PAX7: variants seen among roughly 807,000 people sequenced by gnomAD.
The protein encoded by PAX7 is paired box 7.
A neutral mutation model predicts 50.7 loss-of-function variants in PAX7; 18 were observed. The ratio of observed to expected loss-of-function variants is 0.36; its 90% CI spans 0.25 to 0.53. PAX7 has a LOEUF of 0.53. Among genes scored for constraint, PAX7 ranks in the 20% least tolerant of loss-of-function variants. The pLI, the probability that PAX7 is intolerant of heterozygous loss-of-function variation, is 0.93. For synonymous variants in PAX7, 310 were observed against 290.4 expected (o/e 1.07, Z -0.69); for missense variants, 644 against 702.9 (o/e 0.92, Z 0.95).
intron 3 of PAX7, among the ~76,000 whole-genome samples, chr1:18,635,443 T>C (rs774797417): frequency 7.2e-6 from 1 of 138,316 alleles, no homozygotes; most frequent in Non-Finnish European, 1.5e-5. Context: ...AAAGAAGGAA[T>C]AGGGAAAGAA....
intron 4 of PAX7, among the ~76,000 whole-genome samples, chr1:18,653,043 C>T (rs1165610862): frequency 1.3e-5 from 2 of 152,166 alleles, no homozygotes; most frequent in Admixed American, 6.5e-5. Flanking sequence ...AACAGCTGTG[C>T]TTTTGCAGGC....
chr1:18,687,548 C>T lies in PAX7; in HGVS notation c.587-4206C>T, dbSNP rs149041501. Among the ~76,000 whole-genome samples the T allele has an allele frequency of 2.6e-4, 39 of 152,366 alleles. No homozygotes were observed. In the East Asian group the frequency reaches 6.4e-3, roughly 25 times the overall value. ...AAAAGAGTCAATAGTCCCTGCTTCA[C>T]AGACCTATGAAGGCTGGCACAGAGG... On this transcript the variant is annotated intron_variant, in intron 4 of 8. Coordinates refer to ENST00000420770, the MANE Select transcript of PAX7 (RefSeq NM_001135254.2).
chr1:18,738,260 C>T (rs1930912584), intron 8 of PAX7, among the ~76,000 whole-genome samples: 1 of 152,122 alleles, frequency 6.6e-6, no homozygotes, highest in East Asian at 1.9e-4. Context: ...CTGACCCAGC[C>T]CGTGTTCCTG....
intron 8 of PAX7, among the ~76,000 whole-genome samples, chr1:18,739,428 T>C (rs1208501309): frequency 6.6e-6 from 1 of 152,226 alleles, no homozygotes; most frequent in Non-Finnish European, 1.5e-5. Flanking sequence ...GATATAAATA[T>C]ACAAAATGTG....
At chr1:18,738,024 G>T (rs762717584) in intron 8 of PAX7, among the ~76,000 whole-genome samples, 1 of 152,220 alleles carries the variant, frequency 6.6e-6, no homozygotes, top group African/African-American at 2.4e-5. Flanking sequence ...TCTGTGTGCA[G>T]TGTGTAAATA....
intron 5 of PAX7, among the ~76,000 whole-genome samples, chr1:18,698,849 G>A (rs2100315262): frequency 6.6e-6 from 1 of 152,342 alleles, no homozygotes; most frequent in South Asian, 2.1e-4. Flanking sequence ...TATCCAGCCT[G>A]CAAGCTGAAC....
chr1:18,654,989 G>T (rs1027853058), intron 4 of PAX7, among the ~76,000 whole-genome samples: 8 of 152,170 alleles, frequency 5.3e-5, no homozygotes, highest in African/African-American at 1.9e-4. Context: ...TGCTTGGCAC[G>T]TGCCTACAAT....
chr1:18,646,925 T>C lies in PAX7; in HGVS notation c.586+10554T>C, dbSNP rs2088350642. On this transcript the variant is annotated intron_variant, in intron 4 of 8. Coordinates refer to ENST00000420770, the MANE Select transcript of PAX7 (RefSeq NM_001135254.2). ...GAGCGGCCCGCCCGCGCCCGGGCTA[T>C]TGACTTAGTGGATGAAGTCAAGAGC... 9.8e-5 allele frequency among the ~76,000 whole-genome samples: 14 copies of C among 143,350 alleles called. No individual in the cohort carries two copies. The South Asian group carries it at 3.3e-3, about 34-fold the overall frequency. 94.0% of individuals were successfully genotyped at this position (143,350 alleles called of 152,430 possible). A position where few individuals can be genotyped will look rare whatever the true frequency, so the allele number is the denominator to read the frequency against.
intron 4 of PAX7, among the ~76,000 whole-genome samples, chr1:18,641,766 A>G (rs1247214343): frequency 2.0e-5 from 3 of 152,364 alleles, no homozygotes; most frequent in Non-Finnish European, 4.4e-5. Context: ...TTTACCAGAC[A>G]GTATTGGGAA....
chr1:18,740,443 A>G (rs369906602), intron 8 of PAX7, among the ~76,000 whole-genome samples: 1 of 152,192 alleles, frequency 6.6e-6, no homozygotes. Context: ...CATGTCACGC[A>G]CTGCATGTGA....
chr1:18,706,053 G>A (rs1027118420), intron 7 of PAX7, among the ~76,000 whole-genome samples: 6 of 152,280 alleles, frequency 3.9e-5, no homozygotes, highest in South Asian at 4.1e-4. Context: ...CCTGAAGGAC[G>A]GGTGCAGCGA....
In PAX7 at chr1:18,700,665, A is replaced by G; in HGVS notation, c.799A>G (p.Asn267Asp). The change falls in exon 6 of 9, where the codon AAC becomes GAC. Residue 267 changes from asparagine (N) to aspartate (D), a missense_variant. Asn to Asp is a conservative substitution (Grantham distance 23). Coordinates refer to ENST00000420770, the MANE Select transcript of PAX7 (RefSeq NM_001135254.2). This position sits in a 1 kb window ranked among gnomAD's most constrained non-coding sequence, Gnocchi z 4.8. ...TEARVQVWFS[N>D]RRARWRKQAG... The stretch of plus-strand genomic sequence containing the variant: ...CTCCACCTCCCAGGTCTGGTTCAGT[A>G]ACCGCCGCGCCCGTTGGCGTAAGCA... 6.4e-7 allele frequency: 1 copy of G among 1,557,050 alleles called. No individual in the cohort carries two copies. The highest frequency in any genetic ancestry group is 8.7e-7 in the Non-Finnish European group (1 of 1,152,832).
chr1:18,658,260 C>T (rs1004293345), intron 4 of PAX7, among the ~76,000 whole-genome samples: 12 of 151,886 alleles, frequency 7.9e-5, no homozygotes, highest in African/African-American at 2.7e-4. Flanking sequence ...CCCCCTCCCC[C>T]CACAAAGGTC....
intron 5 of PAX7, among the ~76,000 whole-genome samples, chr1:18,693,232 G>A (rs528863096): frequency 6.6e-5 from 10 of 152,274 alleles, no homozygotes; most frequent in South Asian, 4.1e-4. Context: ...TGCTGACGGC[G>A]GGCACTTCCA....
intron 4 of PAX7, among the ~76,000 whole-genome samples, chr1:18,680,587 C>T (rs1314078362): frequency 2.6e-5 from 4 of 152,156 alleles, no homozygotes; most frequent in African/African-American, 7.2e-5. Flanking sequence ...AGGCAGATTC[C>T]GAACTCAAAC....
chr1:18,718,004 AC>A (rs1417539564), intron 7 of PAX7, among the ~76,000 whole-genome samples: 1 of 151,994 alleles, frequency 6.6e-6, no homozygotes, highest in African/African-American at 2.4e-5. Context: ...CTGTCTGACC[AC>A]CCTCCTTAAC....
chr1:18,692,106 T>C (rs546058689), intron 5 of PAX7, among the ~76,000 whole-genome samples, 153 bp downstream of exon 5: 6 of 152,066 alleles, frequency 3.9e-5, no homozygotes, highest in East Asian at 1.9e-4. Context: ...CAGCATTTGA[T>C]GCAGAGTTAG....
At chr1:18,728,006 T>A (rs2089595659) in intron 7 of PAX7, among the ~76,000 whole-genome samples, 1 of 150,948 alleles carries the variant, frequency 6.6e-6, no homozygotes, top group East Asian at 2.0e-4. Flanking sequence ...AGTGGAGTAT[T>A]GAGAGGAAGA....
At chr1:18,743,894 A>G (rs1183348165) in intron 8 of PAX7, among the ~76,000 whole-genome samples, 1 of 152,214 alleles carries the variant, frequency 6.6e-6, no homozygotes, top group Non-Finnish European at 1.5e-5. Context: ...ACATATGTGC[A>G]TGTGTGTGTG....
Sources: allele counts gnomAD v4.1 joint callset (sites outside exome capture counted in the v4.1 genomes callset), GRCh38; gene constraint gnomAD v4.1.1; non-coding constraint Gnocchi (gnomAD v3.1); transcripts MANE v1.5; gene names NCBI Gene and HGNC (gene_info 2026-07-23, HGNC 2026-07-21).